Variants in UBXN11 observed in about 807,000 individuals in gnomAD.
The protein encoded by UBXN11 is UBX domain protein 11, also known as UBX domain-containing protein 11.
A neutral mutation model predicts 62.8 loss-of-function variants in UBXN11; 47 were observed. The ratio of observed to expected loss-of-function variants is 0.75; its 90% CI spans 0.59 to 0.95. The LOEUF is 0.95. UBXN11 is among the 40% of genes least tolerant of loss of function. The pLI, the probability that UBXN11 is intolerant of heterozygous loss-of-function variation, is 0.00. For missense variants in UBXN11, 638 were observed against 661.7 expected (o/e 0.96, Z 0.39); for synonymous variants, 294 against 267.0 (o/e 1.10, Z -0.99).
At chr1:26,288,350 G>T (rs2073178481) in intron 8 of UBXN11, among the ~76,000 whole-genome samples, 1 of 152,186 alleles carries the variant, frequency 6.6e-6, no homozygotes, top group African/African-American at 2.4e-5. Flanking sequence ...AGAGAAGCTT[G>T]CCAAGAAAAT....
intron 1 of UBXN11, 118 bp from the exon 2 acceptor site, chr1:26,303,036 G>T: frequency 1.5e-6 from 1 of 646,556 alleles, no homozygotes. Flanking sequence ...TGTCTAGGCA[G>T]CAGTACCTTT....
chr1:26,290,396 C>A (rs954942643), intron 8 of UBXN11, among the ~76,000 whole-genome samples: 1 of 152,160 alleles, frequency 6.6e-6, no homozygotes, highest in Non-Finnish European at 1.5e-5. Flanking sequence ...GAGCTTTTAG[C>A]CCCTTCCCTC....
intron 7 of UBXN11, 85 bp downstream of exon 7, chr1:26,296,834 G>T: frequency 7.1e-7 from 1 of 1,407,504 alleles, no homozygotes; most frequent in Non-Finnish European, 9.7e-7. Context: ...CAGAGAGGTG[G>T]GCTCGGACCC....
upstream of UBXN11, among the ~76,000 whole-genome samples, chr1:26,309,431 G>A (rs1254340498): frequency 6.6e-6 from 1 of 150,810 alleles, no homozygotes; most frequent in African/African-American, 2.4e-5. Flanking sequence ...GTAGAGATGG[G>A]GTTTCACCAT....
At chr1:26,311,458 T>G (rs2073743916), upstream of UBXN11, among the ~76,000 whole-genome samples, 1 of 150,848 alleles carries the variant, frequency 6.6e-6, no homozygotes, top group Non-Finnish European at 1.5e-5. Context: ...TATTCTTTTT[T>G]TGAGATGGAG....
chr1:26,312,256 A>AT (rs1360049829), intron 1 of UBXN11, among the ~76,000 whole-genome samples: 37 of 151,226 alleles, frequency 2.4e-4, no homozygotes, highest in East Asian at 3.9e-4. Context: ...CCATTATAGC[A>AT]TTTCTTTTTT....
intron 5 of UBXN11, among the ~76,000 whole-genome samples, chr1:26,297,687 C>T (rs558174172): frequency 5.3e-4 from 81 of 152,296 alleles, no homozygotes; most frequent in African/African-American, 1.9e-3. Context: ...TGAGGACCCC[C>T]ACATCTGAGG....
At chr1:26,314,470 C>A (rs567593413) in intron 1 of UBXN11, among the ~76,000 whole-genome samples, 2 of 152,344 alleles carry the variant, frequency 1.3e-5, no homozygotes, top group Admixed American at 6.5e-5. Flanking sequence ...AGGAGGAAAG[C>A]AGCTCCATAT....
intron 8 of UBXN11, 37 bp downstream of exon 8, chr1:26,294,168 C>T: frequency 6.2e-7 from 1 of 1,610,420 alleles, no homozygotes; most frequent in African/African-American, 1.3e-5. Context: ...TGGAGAATTC[C>T]TTTTGAAGAG....
chr1:26,285,688 C>G, intron 9 of UBXN11, 135 bp downstream of exon 9: 3 of 1,368,940 alleles, frequency 2.2e-6, no homozygotes, highest in Non-Finnish European at 2.0e-6. Context: ...GGGAGAGGGG[C>G]CTCTGCAAGT....
intron 8 of UBXN11, among the ~76,000 whole-genome samples, chr1:26,288,522 C>A (rs1002428882): frequency 2.6e-5 from 4 of 152,140 alleles, no homozygotes; most frequent in African/African-American, 9.7e-5. Context: ...CTTGTGAAGC[C>A]AGTGAGCCCC....
Position 26,301,139 on chromosome 1 carries a change from G to A in UBXN11, c.101-115C>T, listed in dbSNP as rs927292124. 1.9e-6 allele frequency: 3 copies of A among 1,559,386 alleles called. No homozygotes were observed. The Admixed American group carries it at 5.7e-5, about 30-fold the overall frequency. On this transcript the variant is annotated intron_variant, in intron 3 of 14. Transcript: ENST00000374222. ...TGCACTGTGCCCCAGGGAGTTTGAG[G>A]AGAGAGAATTCACAAGGCTGGGGAG... is the stretch of plus-strand genomic sequence containing the variant.
At chr1:26,288,237 T>C (rs1255933036) in intron 8 of UBXN11, among the ~76,000 whole-genome samples, 1 of 152,070 alleles carries the variant, frequency 6.6e-6, no homozygotes, top group African/African-American at 2.4e-5. Flanking sequence ...TCAATGCTCC[T>C]GCCGCCTCCC....
chr1:26,314,430 A>G (rs2073771887), intron 1 of UBXN11, among the ~76,000 whole-genome samples: 1 of 152,224 alleles, frequency 6.6e-6, no homozygotes, highest in Non-Finnish European at 1.5e-5. Context: ...TCAGTTTCTC[A>G]GCTGTCCCCT....
chr1:26,304,008 C>G (rs1469215975), intron 1 of UBXN11, among the ~76,000 whole-genome samples: 1 of 152,194 alleles, frequency 6.6e-6, no homozygotes, highest in South Asian at 2.1e-4. Flanking sequence ...CCGCCCCCCT[C>G]GACCTCCCAA....
intron 1 of UBXN11, among the ~76,000 whole-genome samples, chr1:26,304,358 C>T (rs2073611534): frequency 6.6e-6 from 1 of 152,202 alleles, no homozygotes; most frequent in African/African-American, 2.4e-5. Context: ...AGGCTCCCTT[C>T]ATTAGTTCCC....
intron 1 of UBXN11, chr1:26,306,290 C>T (rs3795684): frequency 0.69 from 104,488 of 152,254 alleles, 36,406 homozygotes; most frequent in Non-Finnish European, 0.75. Context: ...TGACTCACAA[C>T]ATTCTTCTTC....
rs1402871843 is a variant in UBXN11 at position 26,282,670 on chromosome 1, C to T, written c.1271G>A (p.Arg424Gln). Residue 424 changes from arginine to glutamine, a missense_variant, in exon 14 of 15, where the codon CGA (arginine) becomes CAA (glutamine). Physicochemically the swap from Arg to Gln is conservative, Grantham distance 43. Coordinates refer to ENST00000374222, the MANE Select transcript of UBXN11 (RefSeq NM_001389556.1). ...CCACCTGGCCTGCGCTAGCAGAGCT[C>T]GCACGTCCCCAATGGTGTTGTCAGG... ...MQPDNTIGDVRALLAQARVMD... is the reference protein window; with the variant it reads ...MQPDNTIGDVQALLAQARVMD... The T allele has an allele frequency of 6.8e-6, 11 of 1,614,002 alleles. No homozygotes were observed. Among genetic ancestry groups the T allele is most frequent in the African/African-American group, 1.3e-5 (1 of 74,940 alleles).
At position 26,284,829 on chromosome 1, in the gene UBXN11, G is replaced by A. The variant is rs188173731; in HGVS notation, c.853-347C>T. ...AGTCTGCAGCACAAACCGCATCATC[G>A]TACATGTAACCTCACTTGCCTTATC... On this transcript the variant is annotated intron_variant, in intron 10 of 14. Coordinates refer to ENST00000374222, the MANE Select transcript of UBXN11 (RefSeq NM_001389556.1). 1.0e-5 allele frequency: 11 copies of A among 1,060,152 alleles called. No homozygotes were observed. The East Asian group carries it at 5.0e-4, about 48-fold the overall frequency. The allele number at this position is 1,060,152 out of a possible 1,614,324, so 65.7% of individuals were successfully genotyped here. A position where few individuals can be genotyped will look rare whatever the true frequency, so the allele number is the denominator to read the frequency against.
Sources: gnomAD v4.1 joint callset for allele counts (sites outside exome capture counted in the v4.1 genomes callset) on GRCh38, gnomAD v4.1.1 for gene constraint, MANE v1.5 for transcripts, NCBI Gene and HGNC (gene_info 2026-07-23, HGNC 2026-07-21) for gene names.